NHSL2: variants seen among roughly 807,000 people sequenced by gnomAD.
NHSL2 encodes NHS-like protein 2.
In NHSL2, 27 loss-of-function variants were observed where a neutral mutation model predicts 53.4. The observed-to-expected ratio is 0.51, with a 90% CI of 0.37 to 0.70. The LOEUF (loss-of-function observed/expected upper bound fraction) is 0.70. NHSL2 is among the 30% of genes least tolerant of loss of function. The pLI, the probability that NHSL2 is intolerant of heterozygous loss-of-function variation, is 0.00. For synonymous variants in NHSL2, 408 were observed against 404.1 expected (o/e 1.01, Z -0.12); for missense variants, 892 against 980.1 (o/e 0.91, Z 1.20).
At chrX:72,100,878 T>C (rs950772378) in intron 1 of NHSL2, among the ~76,000 whole-genome samples, 5 of 111,606 alleles carry the variant, frequency 4.5e-5, no homozygotes, top group African/African-American at 1.6e-4. Flanking sequence ...CAAATGGCCC[T>C]GGCCTTTCCA....
intron 1 of NHSL2, among the ~76,000 whole-genome samples, chrX:71,983,612 A>G (rs2041990080): frequency 1.9e-5 from 2 of 107,107 alleles, no homozygotes; most frequent in South Asian, 8.1e-4. Flanking sequence ...CCCTGTCTCT[A>G]AAAAAAAAAT....
chrX:72,040,450 T>C (rs1198779753), intron 1 of NHSL2, among the ~76,000 whole-genome samples: 1 of 112,408 alleles, frequency 8.9e-6, no homozygotes, highest in Admixed American at 9.4e-5. Context: ...GATTTCCATT[T>C]TTTTCAAGTT....
At chrX:71,927,533 A>G (rs1271186948) in intron 1 of NHSL2, among the ~76,000 whole-genome samples, 1 of 110,078 alleles carries the variant, frequency 9.1e-6, no homozygotes, top group Non-Finnish European at 1.9e-5. Flanking sequence ...TCCTCACTCT[A>G]TTACTTGTTT....
intron 1 of NHSL2, among the ~76,000 whole-genome samples, chrX:72,124,004 T>C (rs1302485733): frequency 8.9e-6 from 1 of 111,830 alleles, no homozygotes; most frequent in Non-Finnish European, 1.9e-5. Context: ...GTCCCGCTGT[T>C]ACCAGGGCAA....
At chrX:72,100,167 C>T (rs1269825705) in intron 1 of NHSL2, among the ~76,000 whole-genome samples, 1 of 111,690 alleles carries the variant, frequency 9.0e-6, no homozygotes, top group Non-Finnish European at 1.9e-5. Flanking sequence ...TACAGTCAGG[C>T]CTCGCTTCAC....
chrX:72,037,263 CA>C (rs1158340655), intron 1 of NHSL2, among the ~76,000 whole-genome samples: 2 of 109,624 alleles, frequency 1.8e-5, no homozygotes, highest in Non-Finnish European at 3.8e-5. Flanking sequence ...ACTAAAAATA[CA>C]AAAAAAAATT....
At chrX:72,107,240 G>C (rs1047073480) in intron 1 of NHSL2, among the ~76,000 whole-genome samples, 1 of 109,454 alleles carries the variant, frequency 9.1e-6, no homozygotes, top group Non-Finnish European at 1.9e-5. Context: ...TGGCTAACAC[G>C]GTGAAACCCC....
chrX:72,062,791 T>C (rs1286513677), intron 1 of NHSL2, among the ~76,000 whole-genome samples: 1 of 112,670 alleles, frequency 8.9e-6, no homozygotes, highest in African/African-American at 3.2e-5. Flanking sequence ...GGGCAGCAGC[T>C]GGGGCTTCTC....
At chrX:72,134,033 G>A (rs2042332356) in intron 2 of NHSL2, 58 bp from the exon 3 acceptor site, 6 of 1,135,807 alleles carry the variant, frequency 5.3e-6, no homozygotes, top group African/African-American at 3.6e-5. Context: ...GCCCTTCCCC[G>A]GCCCAGCGCT....
At chrX:72,094,946 T>C (rs1470539228) in intron 1 of NHSL2, among the ~76,000 whole-genome samples, 1 of 112,196 alleles carries the variant, frequency 8.9e-6, no homozygotes, top group African/African-American at 3.2e-5. Flanking sequence ...CAAAGCTCTT[T>C]CTGAAACCAG....
chrX:72,133,946 G>A (rs2042331564), intron 2 of NHSL2, 145 bp from the exon 3 acceptor site: 1 of 543,835 alleles, frequency 1.8e-6, no homozygotes, highest in South Asian at 3.4e-5. Flanking sequence ...TCCAAATCCA[G>A]TGGCTCAAAC....
At chrX:72,100,502 A>G (rs577718673) in intron 1 of NHSL2, among the ~76,000 whole-genome samples, 7 of 111,939 alleles carry the variant, frequency 6.3e-5, no homozygotes, top group African/African-American at 2.3e-4. Flanking sequence ...GGGGTCCTCA[A>G]CCCCTGGGCC....
At position 72,139,874 on chromosome X, in the gene NHSL2, A is replaced by G. The variant is rs1218378004; in HGVS notation, c.2326A>G (p.Thr776Ala). Reference protein sequence around the residue: ...KSRLSFDLPLTSSPNLDLSGM... With the variant: ...KSRLSFDLPLASSPNLDLSGM... ...ACGGCTATCATTTGACCTACCACTGACCTCTTCACCCAACCTGGATCTGTC... is the reference window on the plus strand; with the variant it reads ...ACGGCTATCATTTGACCTACCACTGGCCTCTTCACCCAACCTGGATCTGTC... The change falls in exon 6 of 8, where the codon ACC becomes GCC. Residue 776 changes from threonine to alanine, a missense_variant. Transcript: ENST00000633930. 8.3e-7 allele frequency: 1 copy of G among 1,210,488 alleles called. No individual in the cohort carries two copies.
chrX:72,093,707 A>C (rs1384463324), intron 1 of NHSL2, among the ~76,000 whole-genome samples: 1 of 93,889 alleles, frequency 1.1e-5, no homozygotes, highest in Non-Finnish European at 2.1e-5. Context: ...ATATTCCCCT[A>C]GTATAGCTTG....
At chrX:72,022,689 G>A (rs1298808684) in intron 1 of NHSL2, among the ~76,000 whole-genome samples, 1 of 112,176 alleles carries the variant, frequency 8.9e-6, no homozygotes, top group Non-Finnish European at 1.9e-5. Flanking sequence ...AACATATGAA[G>A]AAGGGTGCAC....
chrX:72,135,005 T>G (rs1453908593), intron 4 of NHSL2, among the ~76,000 whole-genome samples: 1 of 112,732 alleles, frequency 8.9e-6, no homozygotes, highest in African/African-American at 3.2e-5. Context: ...AGAGCACTTA[T>G]GGAAACTTAA....
At chrX:71,983,300 G>A (rs376402467) in intron 1 of NHSL2, among the ~76,000 whole-genome samples, 27 of 110,726 alleles carry the variant, frequency 2.4e-4, no homozygotes, top group African/African-American at 8.2e-4. Flanking sequence ...TATGCTACGC[G>A]AATTATATCT....
intron 1 of NHSL2, among the ~76,000 whole-genome samples, chrX:72,078,183 G>C: frequency 8.9e-6 from 1 of 112,707 alleles, no homozygotes; most frequent in Middle Eastern, 4.6e-3. Context: ...AGGCAGTAGG[G>C]CTCCCAAGTC....
chrX:72,103,448 C>T (rs781038387), intron 1 of NHSL2, among the ~76,000 whole-genome samples: 1 of 112,138 alleles, frequency 8.9e-6, no homozygotes, highest in East Asian at 2.8e-4. Context: ...CATCATGGCC[C>T]TTGTGGGTAA....
Sources: allele counts gnomAD v4.1 joint callset (sites outside exome capture counted in the v4.1 genomes callset), GRCh38; gene constraint gnomAD v4.1.1; transcripts MANE v1.5; gene names NCBI Gene and HGNC (gene_info 2026-07-23, HGNC 2026-07-21).